Variants in TRAK1 observed in about 807,000 individuals in gnomAD.
The protein encoded by TRAK1 is trafficking kinesin protein 1, also known as trafficking kinesin-binding protein 1.
A neutral mutation model predicts 92.1 loss-of-function variants in TRAK1; 33 were observed. The observed-to-expected ratio is 0.36, with a 90% CI of 0.27 to 0.48. TRAK1 has a LOEUF of 0.48. Among genes scored for constraint, TRAK1 ranks in the 20% least tolerant of loss-of-function variants. The pLI, the probability that TRAK1 is intolerant of heterozygous loss-of-function variation, is 0.99. For missense variants in TRAK1, 1,123 were observed against 1,257.9 expected, an observed-to-expected ratio of 0.89 and a Z score of 1.62; for synonymous variants, 521 against 517.3, an observed-to-expected ratio of 1.01 and a Z score of -0.10.
chr3:42,217,097 CTTT>C (rs550975120), intron 14 of TRAK1: 58 of 146,484 alleles, frequency 4.0e-4, no homozygotes, highest in Non-Finnish European at 5.8e-4. Context: ...CTCTCTCTCT[CTTT>C]TTTTTTTTTT....
Position 42,223,894 on chromosome 3 carries a change from G to A in TRAK1, c.*157G>A. 1 of 859,676 alleles carries A rather than the reference G, an allele frequency of 1.2e-6. No individual in the cohort carries two copies. The highest frequency in any genetic ancestry group is 2.7e-5 in the East Asian group (1 of 37,580). 53.3% of individuals were successfully genotyped at this position (859,676 alleles called of 1,614,324 possible). On this transcript the variant is annotated 3_prime_UTR_variant, in exon 16 of 16. Transcript: ENST00000327628. The surrounding 1 kb of genome is among the most constrained non-coding windows in gnomAD (Gnocchi z 6.1). ...ATCAACCTCGTGCCTAATGGAGGAA[G>A]TGTGGAAACTTTGTAAAATGTGTAC...
upstream of TRAK1, among the ~76,000 whole-genome samples, chr3:42,084,800 CTTT>C (rs75722895): frequency 7.2e-6 from 1 of 139,674 alleles, no homozygotes; most frequent in Admixed American, 7.1e-5. Context: ...ATCCCGTTTT[CTTT>C]TTTTTTTTTT....
intron 2 of TRAK1, among the ~76,000 whole-genome samples, chr3:42,147,873 T>C (rs1576621460): frequency 6.6e-6 from 1 of 152,294 alleles, no homozygotes. Context: ...CGTTACAGGC[T>C]CTTCAGCTTC....
chr3:42,041,611 C>G (rs76975876), intron 1 of TRAK1, among the ~76,000 whole-genome samples: 1 of 116,310 alleles, frequency 8.6e-6, no homozygotes, highest in Admixed American at 8.5e-5. Context: ...TTTTTTTTTT[C>G]TAATTGCTCT....
intron 2 of TRAK1, among the ~76,000 whole-genome samples, chr3:42,142,561 TC>T (rs1286090108): frequency 6.6e-6 from 1 of 152,202 alleles, no homozygotes; most frequent in Non-Finnish European, 1.5e-5. Flanking sequence ...GATACTTGCT[TC>T]CTCCTTCCAT....
At chr3:42,196,910 A>C (rs1472090255) in intron 10 of TRAK1, among the ~76,000 whole-genome samples, 1 of 151,448 alleles carries the variant, frequency 6.6e-6, no homozygotes, top group Non-Finnish European at 1.5e-5. Context: ...CTCCACTTCA[A>C]AATGACAGCA....
At chr3:42,182,216 A>AGAAAGG (rs1416920516) in intron 3 of TRAK1, among the ~76,000 whole-genome samples, 3 of 152,016 alleles carry the variant, frequency 2.0e-5, no homozygotes, top group Non-Finnish European at 4.4e-5. Context: ...GGCCGTCTCC[A>AGAAAGG]CATGTACTGT....
At chr3:42,163,886 T>C (rs1701568084) in intron 2 of TRAK1, among the ~76,000 whole-genome samples, 1 of 152,208 alleles carries the variant, frequency 6.6e-6, no homozygotes, top group Non-Finnish European at 1.5e-5. Context: ...GTAGGTGAGG[T>C]GTTAACAGTA....
At chr3:42,086,501 G>C (rs1020028021), upstream of TRAK1, among the ~76,000 whole-genome samples, 1 of 151,880 alleles carries the variant, frequency 6.6e-6, no homozygotes, top group Non-Finnish European at 1.5e-5. Context: ...ATTTTTAGTG[G>C]AGATGGGGTT....
At chr3:42,036,906 C>A (rs1164929091) in intron 1 of TRAK1, among the ~76,000 whole-genome samples, 1 of 152,174 alleles carries the variant, frequency 6.6e-6, no homozygotes, top group East Asian at 1.9e-4. Flanking sequence ...CATGCCACCA[C>A]ACCTGGCTAA....
rs1190805231 is a variant in TRAK1, at chr3:42,013,817, G to A, written c.-819G>A. On this transcript the variant is annotated 5_prime_UTR_variant, in exon 1 of 17. Coordinates refer to the TRAK1 transcript ENST00000487159. The surrounding 1 kb of genome is among the most constrained non-coding windows in gnomAD (Gnocchi z 5.1). ...GGCGTCCCCCAGAGTGGGGCCGCGC[G>A]CGGGAGAGCCGGAGCGCAGCCTTAG... 1 of 150,358 alleles carries A rather than the reference G, an allele frequency of 6.7e-6. No homozygotes were observed. Among genetic ancestry groups the A allele is most frequent in the Non-Finnish European group, 1.5e-5 (1 of 67,088 alleles). The allele number at this position is 150,358 out of a possible 1,614,324, so 9.3% of individuals were successfully genotyped here.
chr3:42,138,876 GGTGT>G (rs60025099), intron 2 of TRAK1, among the ~76,000 whole-genome samples: 6,580 of 118,442 alleles, frequency 0.056, 201 homozygotes, highest in East Asian at 0.13. Flanking sequence ...AAGCATAGGG[GGTGT>G]GTGTGTGTGT....
At chr3:42,074,866 AG>A (rs1250441619) in intron 1 of TRAK1, among the ~76,000 whole-genome samples, 2 of 152,152 alleles carry the variant, frequency 1.3e-5, no homozygotes, top group African/African-American at 4.8e-5. Flanking sequence ...ACCTTCAAGT[AG>A]GCCCCATCGT....
chr3:42,067,232 C>T (rs1473038608), intron 1 of TRAK1, among the ~76,000 whole-genome samples: 3 of 152,280 alleles, frequency 2.0e-5, no homozygotes, highest in South Asian at 2.1e-4. Flanking sequence ...CTTTTTCACA[C>T]GAGCCTGAAG....
At chr3:42,180,410 A>T (rs1703835062) in intron 3 of TRAK1, among the ~76,000 whole-genome samples, 1 of 152,104 alleles carries the variant, frequency 6.6e-6, no homozygotes, top group South Asian at 2.1e-4. Flanking sequence ...AGGTGGGAGG[A>T]TTGCTTGAGG....
At chr3:42,051,394 A>G (rs1265271354) in intron 1 of TRAK1, 1 of 152,136 alleles carries the variant, frequency 6.6e-6, no homozygotes, top group Non-Finnish European at 1.5e-5. Context: ...GGTGGTGCAG[A>G]TTTTTCTATG....
At chr3:42,121,075 G>C (rs919197742) in intron 1 of TRAK1, among the ~76,000 whole-genome samples, 2 of 152,176 alleles carry the variant, frequency 1.3e-5, no homozygotes, top group African/African-American at 4.8e-5. Context: ...AGCTGAGGCT[G>C]CTCCTACCTG....
At chr3:42,097,861 G>A (rs921014995) in intron 1 of TRAK1, among the ~76,000 whole-genome samples, 1 of 152,180 alleles carries the variant, frequency 6.6e-6, no homozygotes, top group Non-Finnish European at 1.5e-5. Flanking sequence ...ATACTGATAG[G>A]TTGGTCCATC....
intron 10 of TRAK1, among the ~76,000 whole-genome samples, chr3:42,195,339 C>T (rs778939832): frequency 2.0e-5 from 3 of 152,142 alleles, no homozygotes; most frequent in South Asian, 2.1e-4. Context: ...TACGTTTAGA[C>T]GGATAGTTGG....
Sources: allele counts gnomAD v4.1 joint callset (sites outside exome capture counted in the v4.1 genomes callset), GRCh38; gene constraint gnomAD v4.1.1; non-coding constraint Gnocchi (gnomAD v3.1); transcripts MANE v1.5; gene names NCBI Gene and HGNC (gene_info 2026-07-23, HGNC 2026-07-21).